The following ATP6V0D2 variants were observed in gnomAD, a reference collection of about 807,000 sequenced individuals.
ATP6V0D2 encodes ATPase H+ transporting V0 subunit d2, also known as V-type proton ATPase subunit d 2.
Under a neutral mutation model 40.0 loss-of-function variants are expected in ATP6V0D2, and 40 were observed. The ratio of observed to expected loss-of-function variants is 1.00; its 90% CI spans 0.78 to 1.30. The LOEUF (loss-of-function observed/expected upper bound fraction) is 1.30, where lower values mean the gene tolerates loss of function less well. Ranked by LOEUF, ATP6V0D2 falls within the 50% of genes most tolerant of loss-of-function variation. The pLI, the probability that ATP6V0D2 is intolerant of heterozygous loss-of-function variation, is 0.00. For synonymous variants in ATP6V0D2, 179 were observed against 156.3 expected (o/e 1.15, Z -1.08); for missense variants, 470 against 423.1 (o/e 1.11, Z -0.97).
At chr8:86,125,475 A>G (rs557779558) in intron 2 of ATP6V0D2, among the ~76,000 whole-genome samples, 1 of 152,302 alleles carries the variant, frequency 6.6e-6, no homozygotes, top group South Asian at 2.1e-4. Flanking sequence ...TTAAAAAATG[A>G]AAGAGGTTTT....
At chr8:86,109,362 G>T (rs762019952) in intron 1 of ATP6V0D2, among the ~76,000 whole-genome samples, 97 of 152,228 alleles carry the variant, frequency 6.4e-4, no homozygotes, top group Non-Finnish European at 1.0e-3. Context: ...TGTTATTATT[G>T]ACAGTCTATC....
rs377351628 is a variant in ATP6V0D2 at position 86,100,980 on chromosome 8, T to G, written c.130+1872T>G. Among the ~76,000 whole-genome samples the G allele has an allele frequency of 2.0e-5, 3 of 151,864 alleles. No homozygotes were observed. In the East Asian group the frequency reaches 5.8e-4, roughly 29 times the overall value. ...GCTCATGCCTGTAAAACCCCGTGTC[T>G]ACTAGAAATAGAAAAAGTTAGTTGG... On this transcript the variant is annotated intron_variant, in intron 1 of 7. Transcript: ENST00000285393.
intron 2 of ATP6V0D2, among the ~76,000 whole-genome samples, chr8:86,118,699 G>A (rs1374026280): frequency 6.6e-6 from 1 of 152,104 alleles, no homozygotes; most frequent in East Asian, 1.9e-4. Context: ...TGAGCTGAAG[G>A]ACAAAATGGC....
intron 1 of ATP6V0D2, among the ~76,000 whole-genome samples, chr8:86,104,821 A>G (rs946172389): frequency 2.8e-5 from 4 of 145,390 alleles, no homozygotes; most frequent in Non-Finnish European, 4.5e-5. Flanking sequence ...TTAAAAAGAC[A>G]TATCCAATTC....
intron 2 of ATP6V0D2, among the ~76,000 whole-genome samples, chr8:86,134,923 C>T (rs1043283835): frequency 6.6e-6 from 1 of 152,094 alleles, no homozygotes; most frequent in Non-Finnish European, 1.5e-5. Context: ...GTTAAAATAG[C>T]CAGTCTCAAA....
intron 2 of ATP6V0D2, among the ~76,000 whole-genome samples, chr8:86,133,272 C>G (rs1418398238): frequency 1.3e-5 from 2 of 149,032 alleles, no homozygotes; most frequent in African/African-American, 2.5e-5. Context: ...GCTGTTCTCT[C>G]TAGCCAAAGG....
chr8:86,127,367 A>G (rs1818758473), intron 2 of ATP6V0D2, among the ~76,000 whole-genome samples: 1 of 152,186 alleles, frequency 6.6e-6, no homozygotes, highest in East Asian at 1.9e-4. Flanking sequence ...ACTTTTATAA[A>G]TTATTTAATT....
rs146401499 is a variant in ATP6V0D2, at chr8:86,139,612, C to T, written c.458C>T (p.Ala153Val). The change falls in exon 3 of 8, where the codon GCC becomes GTC. Residue 153 changes from alanine (A) to valine (V), a missense_variant. Transcript: ENST00000285393. Reference protein sequence around the residue: ...IAETPSDLFNAILIETPLAPF... With the variant: ...IAETPSDLFNVILIETPLAPF... ...GAGACACCTTCAGATCTCTTTAATG[C>T]CATTCTGATCGAAACGCCATTAGGT... 3.1e-6 allele frequency: 5 copies of T among 1,601,662 alleles called. No individual in the cohort carries two copies. The African/African-American group carries it at 4.0e-5, about 13-fold the overall frequency.
intron 2 of ATP6V0D2, among the ~76,000 whole-genome samples, chr8:86,129,022 T>C (rs1004078542): frequency 6.6e-6 from 1 of 152,262 alleles, no homozygotes; most frequent in Non-Finnish European, 1.5e-5. Flanking sequence ...TGATGTGGCT[T>C]ATAATTTCCT....
chr8:86,123,201 T>A (rs1226068642), intron 2 of ATP6V0D2, among the ~76,000 whole-genome samples: 2 of 152,206 alleles, frequency 1.3e-5, no homozygotes, highest in Admixed American at 6.5e-5. Context: ...ATTGTGCATG[T>A]AGTACTTATT....
chr8:86,152,738 A>G, intron 7 of ATP6V0D2, 78 bp from the exon 8 acceptor site: 1 of 1,434,154 alleles, frequency 7.0e-7, no homozygotes, highest in African/African-American at 1.4e-5. Flanking sequence ...CACAAGTTCA[A>G]GCCAGTCAGT....
chr8:86,138,905 AG>A (rs1818932247), intron 2 of ATP6V0D2, among the ~76,000 whole-genome samples: 1 of 152,154 alleles, frequency 6.6e-6, no homozygotes, highest in Non-Finnish European at 1.5e-5. Context: ...GGTTTTATTT[AG>A]TTAGTTGTTA....
intron 5 of ATP6V0D2, among the ~76,000 whole-genome samples, chr8:86,143,965 A>G (rs987852939): frequency 6.6e-6 from 1 of 152,150 alleles, no homozygotes; most frequent in Non-Finnish European, 1.5e-5. Context: ...TGTGCCTTAC[A>G]AATCCTAAAA....
chr8:86,106,611 G>T (rs189205978), intron 1 of ATP6V0D2, among the ~76,000 whole-genome samples: 21 of 152,288 alleles, frequency 1.4e-4, no homozygotes, highest in Admixed American at 6.5e-4. Flanking sequence ...TCCTGAAATA[G>T]TTCTTTCCAT....
intron 2 of ATP6V0D2, among the ~76,000 whole-genome samples, chr8:86,117,480 A>G (rs1818604913): frequency 6.6e-6 from 1 of 152,232 alleles, no homozygotes; most frequent in Non-Finnish European, 1.5e-5. Flanking sequence ...AAAAGACCAT[A>G]GGTCAAGGAA....
At chr8:86,124,206 G>A (rs1818710293) in intron 2 of ATP6V0D2, among the ~76,000 whole-genome samples, 2 of 152,172 alleles carry the variant, frequency 1.3e-5, no homozygotes. Context: ...CCCTACTGTA[G>A]TTGCTGATAA....
At chr8:86,128,686 A>G (rs1314528677) in intron 2 of ATP6V0D2, among the ~76,000 whole-genome samples, 1 of 152,228 alleles carries the variant, frequency 6.6e-6, no homozygotes, top group Non-Finnish European at 1.5e-5. Flanking sequence ...ATGACCACAC[A>G]AAGACAACTC....
chr8:86,103,406 C>G (rs1254822968), intron 1 of ATP6V0D2, among the ~76,000 whole-genome samples: 1 of 151,498 alleles, frequency 6.6e-6, no homozygotes, highest in Non-Finnish European at 1.5e-5. Flanking sequence ...GCTGGGATTA[C>G]AGACGTGAGC....
intron 1 of ATP6V0D2, among the ~76,000 whole-genome samples, chr8:86,109,953 A>G (rs1028514681): frequency 6.6e-6 from 1 of 152,176 alleles, no homozygotes; most frequent in African/African-American, 2.4e-5. Flanking sequence ...CAGGATAAAC[A>G]TGGCATACCA....
Sources: gnomAD v4.1 joint callset for allele counts (sites outside exome capture counted in the v4.1 genomes callset) on GRCh38, gnomAD v4.1.1 for gene constraint, MANE v1.5 for transcripts, NCBI Gene and HGNC (gene_info 2026-07-23, HGNC 2026-07-21) for gene names.